The following ZNF484 variants were observed in gnomAD, a reference collection of about 807,000 sequenced individuals.
The protein encoded by ZNF484 is zinc finger protein 484, also known as KRAB box containing C2H2 type zinc finger bA526D8.4.
Under a neutral mutation model 12.9 loss-of-function variants are expected in ZNF484, and 11 were observed. The ratio of observed to expected loss-of-function variants is 0.85; its 90% CI spans 0.54 to 1.41. The LOEUF (loss-of-function observed/expected upper bound fraction) is 1.41, where lower values mean the gene tolerates loss of function less well. ZNF484 is among the 40% of genes most tolerant of loss of function. ZNF484 has a pLI of 0.00. For synonymous variants in ZNF484, 289 were observed against 334.1 expected (o/e 0.86, Z 1.47); for missense variants, 807 against 1,007.7 (o/e 0.80, Z 2.70).
At chr9:92,860,305 A>G (rs1297714137) in intron 2 of ZNF484, among the ~76,000 whole-genome samples, 1 of 152,190 alleles carries the variant, frequency 6.6e-6, no homozygotes, top group African/African-American at 2.4e-5. Context: ...CCTTTACTGC[A>G]CAACAATATA....
At chr9:92,860,311 A>G (rs1441676025) in intron 2 of ZNF484, among the ~76,000 whole-genome samples, 2 of 152,130 alleles carry the variant, frequency 1.3e-5, no homozygotes, top group Non-Finnish European at 2.9e-5. Context: ...CTGCACAACA[A>G]TATACTTGAG....
rs1207497465 is a variant in ZNF484 at position 92,847,516 on chromosome 9, T to C, written c.1271A>G (p.Lys424Arg). 1 of 1,613,280 alleles carries C rather than the reference T, an allele frequency of 6.2e-7. No homozygotes were observed. Among genetic ancestry groups the C allele is most frequent in the East Asian group, 2.2e-5 (1 of 44,880 alleles). ...TCTTTCATGTGTGATAAAATGTGAC[T>C]TCCGGATAAAGGCCTTCCCACATTC... The part of the protein sequence containing the change: ...CTECGKAFIR[K>R]SHFITHERIH... The change falls in exon 5 of 5, where the codon AAG becomes AGG. Residue 424 changes from lysine to arginine, a missense_variant. By Grantham distance (26) the Lys-to-Arg change is conservative. Coordinates refer to ENST00000375495, the MANE Select transcript of ZNF484 (RefSeq NM_031486.4).
chr9:92,865,207 A>T (rs548526362), intron 2 of ZNF484, among the ~76,000 whole-genome samples: 1 of 152,374 alleles, frequency 6.6e-6, no homozygotes, highest in East Asian at 1.9e-4. Context: ...TGGGAGGCCA[A>T]GGCAGGAGGA....
Position 92,860,358 on chromosome 9 carries a change from T to C in ZNF484, c.16-4040A>G, listed in dbSNP as rs189651508. Among the ~76,000 whole-genome samples, 3 of 151,994 alleles carry C rather than the reference T, an allele frequency of 2.0e-5. No individual in the cohort carries two copies. The East Asian group carries it at 5.8e-4, about 29-fold the overall frequency. On this transcript the variant is annotated intron_variant, in intron 2 of 4. Coordinates refer to ENST00000375495, the MANE Select transcript of ZNF484 (RefSeq NM_031486.4). The stretch of plus-strand genomic sequence containing the variant: ...TGGCTCACGCCTGTAATCCCAGCAC[T>C]TTGGGAGGCCGAGGCAGGTGGATCA...
chr9:92,844,605 G>C lies in ZNF484; in HGVS notation c.*1623C>G, dbSNP rs942697028. Among the ~76,000 whole-genome samples the C allele has an allele frequency of 1.3e-5, 2 of 152,112 alleles. No individual in the cohort carries two copies. On this transcript the variant is annotated 3_prime_UTR_variant, in exon 5 of 5. Coordinates refer to ENST00000375495, the MANE Select transcript of ZNF484 (RefSeq NM_031486.4). Reference sequence around the variant, plus strand: ...TTGCCTGCAAAGGTAATTATATAAAGCTTCTCAATAAAACAATAAAAGACA... The same window carrying C: ...TTGCCTGCAAAGGTAATTATATAAACCTTCTCAATAAAACAATAAAAGACA...
intron 2 of ZNF484, among the ~76,000 whole-genome samples, chr9:92,872,519 G>A (rs1363752894): frequency 1.4e-5 from 2 of 147,856 alleles, no homozygotes; most frequent in East Asian, 2.0e-4. Flanking sequence ...AAAAGTTAAA[G>A]GAGAGGCAAT....
rs1390787745 is a variant in ZNF484 at position 92,878,015 on chromosome 9, A to T, written c.-156T>A. 2.9e-6 allele frequency: 2 copies of T among 701,062 alleles called. No homozygotes were observed. Among genetic ancestry groups the T allele is most frequent in the Non-Finnish European group, 4.6e-6 (2 of 432,876 alleles). 43.4% of individuals were successfully genotyped at this position (701,062 alleles called of 1,614,324 possible). A position where few individuals can be genotyped will look rare whatever the true frequency, so the allele number is the denominator to read the frequency against. ...CCTCCCAGGCCTAGAGGTACTTCTT[A>T]CAGCGCTGCCTGGGTTTGCGCATGC... On this transcript the variant is annotated 5_prime_UTR_variant, in exon 1 of 5. It introduces an in-frame stop codon into an upstream open reading frame of the 5' UTR. Transcript: ENST00000375495.
chr9:92,873,705 A>G (rs1857600303), intron 2 of ZNF484, among the ~76,000 whole-genome samples: 1 of 152,230 alleles, frequency 6.6e-6, no homozygotes, highest in Non-Finnish European at 1.5e-5. Flanking sequence ...AAAACTGGAC[A>G]AAGTATAGAA....
chr9:92,867,557 AC>A (rs1239603330), intron 2 of ZNF484, among the ~76,000 whole-genome samples: 3 of 152,192 alleles, frequency 2.0e-5, no homozygotes, highest in Admixed American at 6.5e-5. Context: ...GCAGCAAACC[AC>A]CATGGCACGC....
rs1215551745 is a variant in ZNF484 at position 92,852,276 on chromosome 9, G to T, written c.235+3535C>A. ...GAGCACAAAATATGTGTATTATTTG[G>T]TTTTTTGTTTGTTTTTGTTTTTGTT... On this transcript the variant is annotated intron_variant, in intron 4 of 4. Transcript: ENST00000375495. 2.6e-5 allele frequency among the ~76,000 whole-genome samples: 4 copies of T among 152,106 alleles called. No individual in the cohort carries two copies. The East Asian group carries it at 5.8e-4, about 22-fold the overall frequency.
chr9:92,866,141 G>T (rs1857056922), intron 2 of ZNF484, among the ~76,000 whole-genome samples: 1 of 152,132 alleles, frequency 6.6e-6, no homozygotes, highest in Non-Finnish European at 1.5e-5. Flanking sequence ...TATCCAGATT[G>T]AGGACATGGG....
At chr9:92,853,852 A>G (rs1856260803) in intron 4 of ZNF484, among the ~76,000 whole-genome samples, 2 of 152,196 alleles carry the variant, frequency 1.3e-5, no homozygotes, top group South Asian at 4.1e-4. Flanking sequence ...AACTTGGTTC[A>G]GATGTCAAGA....
At chr9:92,859,458 T>C (rs1474571168) in intron 2 of ZNF484, among the ~76,000 whole-genome samples, 1 of 152,136 alleles carries the variant, frequency 6.6e-6, no homozygotes, top group Non-Finnish European at 1.5e-5. Context: ...TCCTACATAT[T>C]GCAAAATGAG....
At chr9:92,858,603 T>C (rs1856601754) in intron 2 of ZNF484, among the ~76,000 whole-genome samples, 1 of 152,074 alleles carries the variant, frequency 6.6e-6, no homozygotes, top group Non-Finnish European at 1.5e-5. Flanking sequence ...AAATTTAAAA[T>C]AATGGAAATA....
At chr9:92,868,996 G>A (rs1486808463) in intron 2 of ZNF484, among the ~76,000 whole-genome samples, 1 of 152,046 alleles carries the variant, frequency 6.6e-6, no homozygotes, top group Non-Finnish European at 1.5e-5. Context: ...GAATAGCTGG[G>A]ATTACACACA....
rs375904835 is a variant in ZNF484, at chr9:92,864,934, A to G, written c.16-8616T>C. ...GAGATGAGATCTCACACATAAAACA[A>G]ATATGCAATAGTCAAAAAATAAGGA... On this transcript the variant is annotated intron_variant, in intron 2 of 4. Coordinates refer to ENST00000375495, the MANE Select transcript of ZNF484 (RefSeq NM_031486.4). 3.9e-5 allele frequency among the ~76,000 whole-genome samples: 6 copies of G among 152,208 alleles called. 1 individual carries two copies. The East Asian group carries it at 5.8e-4, about 15-fold the overall frequency.
rs761453993 is a variant in ZNF484 at position 92,862,721 on chromosome 9, T to C, written c.16-6403A>G. Among the ~76,000 whole-genome samples the C allele has an allele frequency of 3.5e-4, 53 of 152,160 alleles. 1 individual carries two copies. Among genetic ancestry groups the C allele is most frequent in the Admixed American group, 6.5e-5 (1 of 15,282 alleles). Reference sequence around the variant, plus strand: ...ATAATGGACTGCCATTAAAGTAATTTATATATAGAGAAAAGATTATTAGAT... The same window carrying C: ...ATAATGGACTGCCATTAAAGTAATTCATATATAGAGAAAAGATTATTAGAT... On this transcript the variant is annotated intron_variant, in intron 2 of 4. Coordinates refer to ENST00000375495, the MANE Select transcript of ZNF484 (RefSeq NM_031486.4).
At chr9:92,873,268 C>T (rs10123843) in intron 2 of ZNF484, among the ~76,000 whole-genome samples, 2 of 151,954 alleles carry the variant, frequency 1.3e-5, no homozygotes, top group Non-Finnish European at 1.5e-5. Context: ...TACTTGCACC[C>T]TGATCTCTCA....
chr9:92,846,597 G>C lies in ZNF484; in HGVS notation c.2190C>G (p.Ile730Met). 6.2e-7 allele frequency: 1 copy of C among 1,613,752 alleles called. No homozygotes were observed. Among genetic ancestry groups the C allele is most frequent in the South Asian group, 1.1e-5 (1 of 91,068 alleles). ...TGTGTCTATTTAAGTGTGACTTCTG[G>C]ATGAAGGATTTCCCACATTCATTAC... Reference protein sequence around the residue: ...YICNECGKSFIQKSHLNRHRR... With the variant: ...YICNECGKSFMQKSHLNRHRR... The change falls in exon 5 of 5, where the codon ATC (isoleucine) becomes ATG (methionine). Residue 730 changes from isoleucine to methionine, a missense_variant. Transcript: ENST00000375495.
Sources: gnomAD v4.1 joint callset for allele counts (sites outside exome capture counted in the v4.1 genomes callset) on GRCh38, gnomAD v4.1.1 for gene constraint, MANE v1.5 for transcripts, NCBI Gene and HGNC (gene_info 2026-07-23, HGNC 2026-07-21) for gene names.